FSD1L: variants seen among roughly 807,000 people sequenced by gnomAD.
FSD1L encodes the protein fibronectin type III and SPRY domain containing 1 like.
FSD1L carries 45 observed loss-of-function variants against 71.6 expected under a neutral mutation model. The observed-to-expected ratio is 0.63, with a 90% CI of 0.49 to 0.81. The LOEUF (loss-of-function observed/expected upper bound fraction) is 0.81, where lower values mean the gene tolerates loss of function less well. Ranked by LOEUF, FSD1L falls within the 30% of genes least tolerant of loss-of-function variation. FSD1L has a pLI of 0.00. For synonymous variants in FSD1L, 197 were observed against 207.2 expected (o/e 0.95, Z 0.42); for missense variants, 561 against 618.1 (o/e 0.91, Z 0.98).
At chr9:105,518,368 G>A (rs1299467120) in intron 10 of FSD1L, among the ~76,000 whole-genome samples, 1 of 152,172 alleles carries the variant, frequency 6.6e-6, no homozygotes, top group African/African-American at 2.4e-5. Flanking sequence ...ATTCTTCTCA[G>A]CACCTCGTCA....
rs887624779 is a variant in FSD1L, at chr9:105,448,183, C to T, written c.-38C>T. On this transcript the variant is annotated 5_prime_UTR_variant, in exon 1 of 14. Coordinates refer to ENST00000481272, the MANE Select transcript of FSD1L (RefSeq NM_001145313.3). ...CGCTGAGCCTCCTCACACGGTTCGTCGTCTCGGGTTCGAGCCCAGTGGGCT... is the reference window on the plus strand; with the variant it reads ...CGCTGAGCCTCCTCACACGGTTCGTTGTCTCGGGTTCGAGCCCAGTGGGCT... The T allele has an allele frequency of 3.9e-6, 6 of 1,539,966 alleles. No homozygotes were observed. The highest frequency in any genetic ancestry group is 5.3e-6 in the Non-Finnish European group (6 of 1,140,722).
intron 5 of FSD1L, 125 bp downstream of exon 5, chr9:105,472,130 T>G: frequency 8.6e-7 from 1 of 1,167,164 alleles, no homozygotes; most frequent in African/African-American, 1.6e-5. Flanking sequence ...TGGGGTTTCT[T>G]GATAAGTAAA....
chr9:105,524,074 T>G (rs1222157978), intron 10 of FSD1L: 30 of 1,610,878 alleles, frequency 1.9e-5, no homozygotes, highest in Non-Finnish European at 2.5e-5. Flanking sequence ...GAACTTATAA[T>G]CAAAACTGTA....
At chr9:105,508,581 T>C in intron 8 of FSD1L, 36 bp from the exon 9 acceptor site, 2 of 1,224,096 alleles carry the variant, frequency 1.6e-6, no homozygotes, top group Non-Finnish European at 1.2e-6. Context: ...AATCCTTTAC[T>C]GTACATGTCT....
chr9:105,524,760 T>A (rs951976208), intron 10 of FSD1L: 1 of 1,609,992 alleles, frequency 6.2e-7, no homozygotes, highest in Non-Finnish European at 8.5e-7. Flanking sequence ...TGGATTAATC[T>A]CTATAGCAGC....
intron 5 of FSD1L, 33 bp downstream of exon 5, chr9:105,472,038 G>T: frequency 1.4e-6 from 2 of 1,409,672 alleles, no homozygotes; most frequent in Non-Finnish European, 1.9e-6. Context: ...CACTTAACAA[G>T]GGAAGTTGTA....
rs1735659750 is a variant in FSD1L at position 105,508,641 on chromosome 9, T to C, written c.821T>C (p.Met274Thr). Residue 274 changes from methionine (M) to threonine (T), a missense_variant, in exon 9 of 14, where the codon ATG (methionine) becomes ACG (threonine). By Grantham distance (81) the Met-to-Thr change is moderately conservative. This residue lies in a region of FSD1L where 410 missense variants were observed against 413.5 expected (regional missense o/e 0.99). Transcript: ENST00000481272. Reference sequence around the variant, plus strand: ...GGCTTAAAATTTGATTCAAAGTATATGAATTTCAGAGTGCGAGCTTGTAAC... The same window carrying C: ...GGCTTAAAATTTGATTCAAAGTATACGAATTTCAGAGTGCGAGCTTGTAAC... ...LSGLKFDSKYMNFRVRACNKA... is the reference protein window; with the variant it reads ...LSGLKFDSKYTNFRVRACNKA... 6.4e-7 allele frequency: 1 copy of C among 1,551,006 alleles called. No individual in the cohort carries two copies.
At chr9:105,496,185 G>T (rs10991676) in intron 7 of FSD1L, among the ~76,000 whole-genome samples, 9 of 146,438 alleles carry the variant, frequency 6.1e-5, no homozygotes, top group Non-Finnish European at 1.2e-4. Context: ...ACCAGTACCA[G>T]GTCTTGATGA....
At chr9:105,463,264 A>T (rs533213767) in intron 2 of FSD1L, among the ~76,000 whole-genome samples, 1 of 152,222 alleles carries the variant, frequency 6.6e-6, no homozygotes, top group African/African-American at 2.4e-5. Flanking sequence ...ACAAAGTCTT[A>T]TAGGCTTTAT....
chr9:105,463,879 T>C (rs1279626841), intron 2 of FSD1L, among the ~76,000 whole-genome samples: 1 of 152,318 alleles, frequency 6.6e-6, no homozygotes, highest in East Asian at 1.9e-4. Context: ...TTCCTGATGT[T>C]GTATTCCGTT....
chr9:105,497,117 A>G (rs567148148), intron 7 of FSD1L, among the ~76,000 whole-genome samples: 1 of 152,206 alleles, frequency 6.6e-6, no homozygotes, highest in South Asian at 2.1e-4. Context: ...TTTGGCATCT[A>G]TTTTTATGAT....
In FSD1L at chr9:105,453,044, GT is replaced by G. The variant is rs774826229; in HGVS notation, c.15+4831del. 6.1e-3 allele frequency among the ~76,000 whole-genome samples: 534 copies of G among 88,246 alleles called. 1 individual carries two copies. The highest frequency in any genetic ancestry group is 0.014 in the African/African-American group (281 of 20,270). 57.9% of individuals were successfully genotyped at this position (88,246 alleles called of 152,430 possible). Reference sequence around the variant, plus strand: ...GAGCCATCACGTCTGACCTAAAGTTGTTTTTTTTTTTTTTTTTTTTTTGTTA... The same window carrying G: ...GAGCCATCACGTCTGACCTAAAGTTGTTTTTTTTTTTTTTTTTTTTTGTTA... On this transcript the variant is annotated intron_variant, in intron 1 of 13. Coordinates refer to ENST00000481272, the MANE Select transcript of FSD1L (RefSeq NM_001145313.3).
At chr9:105,468,450 G>A (rs1382465876) in intron 4 of FSD1L, 126 bp downstream of exon 4, 21 of 662,732 alleles carry the variant, frequency 3.2e-5, no homozygotes, top group Non-Finnish European at 4.6e-5. Flanking sequence ...ATGGTTTTTT[G>A]TTTTGGCCAT....
At chr9:105,541,377 G>T (rs1306612841) in intron 13 of FSD1L, among the ~76,000 whole-genome samples, 2 of 148,446 alleles carry the variant, frequency 1.3e-5, no homozygotes, top group African/African-American at 5.0e-5. Context: ...AGGATGAGTT[G>T]TTTACCATGT....
In FSD1L at chr9:105,551,685, T is replaced by A. The variant is rs1238282604; in HGVS notation, c.*5202T>A. On this transcript the variant is annotated 3_prime_UTR_variant, in exon 14 of 14. Transcript: ENST00000481272. ...CTTTAATATTCATTTAATTTGTGCA[T>A]GACTTGTGGCCTTTTTGTATTTTCT... The A allele has an allele frequency of 3.3e-5, 5 of 152,232 alleles. No homozygotes were observed. Among genetic ancestry groups the A allele is most frequent in the African/African-American group, 1.2e-4 (5 of 41,472 alleles). 9.4% of individuals were successfully genotyped at this position (152,232 alleles called of 1,614,324 possible).
At chr9:105,523,984 T>C in intron 10 of FSD1L, 6 of 1,597,378 alleles carry the variant, frequency 3.8e-6, no homozygotes, top group Non-Finnish European at 4.3e-6. Flanking sequence ...TTGGTTTGCT[T>C]TCCCAACTTA....
At chr9:105,524,914 G>A (rs1835413866) in intron 10 of FSD1L, 1 of 1,612,674 alleles carries the variant, frequency 6.2e-7, no homozygotes. Context: ...CTCTTTGAGA[G>A]TCCAAATATC....
At chr9:105,466,554 G>A (rs575652144) in intron 3 of FSD1L, among the ~76,000 whole-genome samples, 9 of 152,098 alleles carry the variant, frequency 5.9e-5, no homozygotes, top group Non-Finnish European at 1.3e-4. Context: ...TTAGCTGGTC[G>A]TGGTGGCAAG....
rs55795530 is a variant in FSD1L at position 105,552,106 on chromosome 9, G to A, written c.*5623G>A. 1.3e-5 allele frequency: 2 copies of A among 152,276 alleles called. No homozygotes were observed. The highest frequency in any genetic ancestry group is 3.9e-4 in the East Asian group (2 of 5,192). 9.4% of individuals were successfully genotyped at this position (152,276 alleles called of 1,614,324 possible). A position where few individuals can be genotyped will look rare whatever the true frequency, so the allele number is the denominator to read the frequency against. Reference sequence around the variant, plus strand: ...TTATCTGAATCTACAGATTTAGTATGTCTATTATCTGGACATGATTTTGCT... The same window carrying A: ...TTATCTGAATCTACAGATTTAGTATATCTATTATCTGGACATGATTTTGCT... On this transcript the variant is annotated 3_prime_UTR_variant, in exon 14 of 14. Transcript: ENST00000481272.
Sources: allele counts gnomAD v4.1 joint callset (sites outside exome capture counted in the v4.1 genomes callset), GRCh38; gene constraint gnomAD v4.1.1; regional missense constraint gnomAD v4.1.1; transcripts MANE v1.5; gene names NCBI Gene and HGNC (gene_info 2026-07-23, HGNC 2026-07-21).